The following PCDH15 variants were observed in gnomAD, a reference collection of about 807,000 sequenced individuals.
PCDH15 encodes the protein protocadherin-15.
A neutral mutation model predicts 178.5 loss-of-function variants in PCDH15; 129 were observed. The observed-to-expected ratio is 0.72, with a 90% CI of 0.63 to 0.84. The LOEUF (loss-of-function observed/expected upper bound fraction) is 0.84, where lower values mean the gene tolerates loss of function less well. PCDH15 is among the 40% of genes least tolerant of loss of function. The pLI, the probability that PCDH15 is intolerant of heterozygous loss-of-function variation, is 0.00. For synonymous variants in PCDH15, 800 were observed against 732.0 expected, an observed-to-expected ratio of 1.09 and a Z score of -1.50; for missense variants, 2,230 against 2,099.9, an observed-to-expected ratio of 1.06 and a Z score of -1.21.
intron 2 of PCDH15, among the ~76,000 whole-genome samples, chr10:55,516,578 A>T (rs894513482): frequency 3.3e-5 from 5 of 151,186 alleles, no homozygotes; most frequent in Non-Finnish European, 7.4e-5. Flanking sequence ...ACTTAAAAGC[A>T]TTTTTTTTTC....
chr10:55,045,788 A>G (rs1840989141), intron 2 of PCDH15, among the ~76,000 whole-genome samples: 1 of 152,034 alleles, frequency 6.6e-6, no homozygotes, highest in Admixed American at 6.6e-5. Context: ...AGTAATGTCA[A>G]TTGGTGATGG....
chr10:55,042,269 A>G (rs1018414325), intron 2 of PCDH15, among the ~76,000 whole-genome samples: 2 of 152,186 alleles, frequency 1.3e-5, no homozygotes, highest in African/African-American at 4.8e-5. Context: ...TATTGCAAAT[A>G]TAAGGAGTAG....
intron 13 of PCDH15, among the ~76,000 whole-genome samples, chr10:54,168,322 TCTTC>T (rs1564586056): frequency 6.6e-6 from 1 of 151,956 alleles, no homozygotes; most frequent in Non-Finnish European, 1.5e-5. Flanking sequence ...TCGTCCCAAA[TCTTC>T]CTTCTTTCCC....
intron 2 of PCDH15, among the ~76,000 whole-genome samples, chr10:54,627,445 G>T (rs1021952938): frequency 6.6e-6 from 1 of 152,026 alleles, no homozygotes; most frequent in Non-Finnish European, 1.5e-5. Flanking sequence ...GAGATCTGAT[G>T]GTTTTAAAAA....
At chr10:54,089,160 T>TTCA in intron 16 of PCDH15, among the ~76,000 whole-genome samples, 2 of 152,344 alleles carry the variant, frequency 1.3e-5, no homozygotes, top group South Asian at 4.1e-4. Context: ...GAAGACTAAT[T>TTCA]GACCAGCACA....
chr10:54,006,023 G>A (rs2092374232), intron 20 of PCDH15, among the ~76,000 whole-genome samples: 1 of 152,092 alleles, frequency 6.6e-6, no homozygotes, highest in African/African-American at 2.4e-5. Flanking sequence ...AATCAATGAA[G>A]GTTAAAAGTA....
At chr10:55,625,035 G>C (rs1837493968) in intron 2 of PCDH15, among the ~76,000 whole-genome samples, 1 of 152,070 alleles carries the variant, frequency 6.6e-6, no homozygotes, top group South Asian at 2.1e-4. Context: ...TAAAAGGTGA[G>C]AATAAATTTA....
At chr10:55,177,247 A>G (rs1839517885) in intron 1 of PCDH15, among the ~76,000 whole-genome samples, 1 of 152,230 alleles carries the variant, frequency 6.6e-6, no homozygotes, top group Non-Finnish European at 1.5e-5. Context: ...ATACCTGGGT[A>G]TGATGAGATA....
chr10:55,450,704 T>C (rs558205504), intron 2 of PCDH15, among the ~76,000 whole-genome samples: 1 of 152,200 alleles, frequency 6.6e-6, no homozygotes, highest in African/African-American at 2.4e-5. Context: ...TTTCAAGCAC[T>C]GGCACTTTCC....
intron 3 of PCDH15, among the ~76,000 whole-genome samples, chr10:54,418,282 T>C (rs1954748009): frequency 6.6e-6 from 1 of 152,122 alleles, no homozygotes; most frequent in Non-Finnish European, 1.5e-5. Flanking sequence ...TTTTGACTGT[T>C]TGTAGTCATA....
intron 3 of PCDH15, among the ~76,000 whole-genome samples, chr10:54,834,836 G>T (rs978594728): frequency 2.6e-5 from 4 of 152,210 alleles, no homozygotes; most frequent in African/African-American, 4.8e-5. Context: ...TGGCAATGTT[G>T]TTTCTAAAAG....
intron 8 of PCDH15, among the ~76,000 whole-genome samples, chr10:54,314,505 A>T (rs1385769542): frequency 6.6e-6 from 1 of 152,122 alleles, no homozygotes; most frequent in Admixed American, 6.6e-5. Context: ...TAGATATTTT[A>T]AAAGATAAAT....
chr10:54,597,911 TAC>T (rs1156243585), intron 2 of PCDH15, among the ~76,000 whole-genome samples: 2 of 152,076 alleles, frequency 1.3e-5, no homozygotes, highest in African/African-American at 4.8e-5. Flanking sequence ...CCTACACACA[TAC>T]AGTCTTCCAA....
At chr10:55,334,579 T>A (rs1467833874) in intron 2 of PCDH15, among the ~76,000 whole-genome samples, 2 of 151,974 alleles carry the variant, frequency 1.3e-5, no homozygotes, top group Non-Finnish European at 2.9e-5. Context: ...AGTGCTGGCA[T>A]TACAGGCGTG....
chr10:55,152,565 A>G (rs893692423), intron 2 of PCDH15, among the ~76,000 whole-genome samples: 3 of 152,156 alleles, frequency 2.0e-5, no homozygotes, highest in Admixed American at 1.3e-4. Flanking sequence ...TTAAGACATA[A>G]GTCAATCTTT....
chr10:54,496,139 C>T (rs1286767332), intron 3 of PCDH15, among the ~76,000 whole-genome samples: 3 of 152,078 alleles, frequency 2.0e-5, no homozygotes, highest in Admixed American at 2.0e-4. Flanking sequence ...AGTTATGTTA[C>T]CTGCGACTCA....
chr10:54,702,550 A>AAAAAAAAAAAAC (rs1384111304), intron 1 of PCDH15, among the ~76,000 whole-genome samples: 1 of 151,244 alleles, frequency 6.6e-6, no homozygotes, highest in African/African-American at 2.4e-5. Flanking sequence ...ATACAAAAAA[A>AAAAAAAAAAAAC]AAAAAAAACC....
intron 21 of PCDH15, among the ~76,000 whole-genome samples, chr10:53,972,071 T>C (rs1393201165): frequency 6.6e-6 from 1 of 152,162 alleles, no homozygotes; most frequent in Non-Finnish European, 1.5e-5. Context: ...AACAGCATGA[T>C]ACTGGTACCA....
chr10:54,422,400 T>A (rs2058104652), intron 3 of PCDH15, among the ~76,000 whole-genome samples: 2 of 152,144 alleles, frequency 1.3e-5, no homozygotes, highest in Non-Finnish European at 2.9e-5. Context: ...GAATAGAGCA[T>A]GACACATGAT....
Sources: gnomAD v4.1 joint callset for allele counts (sites outside exome capture counted in the v4.1 genomes callset) on GRCh38, gnomAD v4.1.1 for gene constraint, MANE v1.5 for transcripts, NCBI Gene and HGNC (gene_info 2026-07-23, HGNC 2026-07-21) for gene names.